The following C1QTNF7 variants were observed in gnomAD, a reference collection of about 807,000 sequenced individuals.
C1QTNF7 encodes the protein complement C1q tumor necrosis factor-related protein 7.
In C1QTNF7, 15 loss-of-function variants were observed where a neutral mutation model predicts 19.6. The ratio of observed to expected loss-of-function variants is 0.76; its 90% confidence interval spans 0.51 to 1.18. C1QTNF7 has a LOEUF of 1.18. Among genes scored for constraint, C1QTNF7 ranks in the 50% most tolerant of loss-of-function variants. The pLI is 0.00. For synonymous variants in C1QTNF7, 142 were observed against 137.5 expected (o/e 1.03, Z -0.23); for missense variants, 324 against 359.7 (o/e 0.90, Z 0.80).
intron 1 of C1QTNF7, among the ~76,000 whole-genome samples, chr4:15,393,429 C>G (rs1183917338): frequency 1.3e-5 from 2 of 152,118 alleles, no homozygotes; most frequent in African/African-American, 2.4e-5. Context: ...TAGAAGGAGG[C>G]CCCCAGGAAA....
chr4:15,348,335 C>G (rs1180358155), intron 1 of C1QTNF7, among the ~76,000 whole-genome samples: 1 of 152,088 alleles, frequency 6.6e-6, no homozygotes. Context: ...AAGCAAAGTC[C>G]AAACTGCCTC....
At chr4:15,440,241 A>T (rs1486851497) in intron 2 of C1QTNF7, among the ~76,000 whole-genome samples, 1 of 152,066 alleles carries the variant, frequency 6.6e-6, no homozygotes, top group Non-Finnish European at 1.5e-5. Flanking sequence ...AGACTCAGAA[A>T]AATTAAGGGA....
intron 1 of C1QTNF7, among the ~76,000 whole-genome samples, chr4:15,410,888 A>G (rs148977035): frequency 6.6e-6 from 1 of 152,340 alleles, no homozygotes; most frequent in African/African-American, 2.4e-5. Context: ...AAAGGGCACC[A>G]CTTTATTTGG....
intron 1 of C1QTNF7, chr4:15,340,234 TTC>T (rs759803711): frequency 1.3e-6 from 2 of 1,551,154 alleles, no homozygotes; most frequent in Non-Finnish European, 1.7e-6. Context: ...ACTGCAGTTT[TTC>T]TCTTTTTCCC....
intron 1 of C1QTNF7, among the ~76,000 whole-genome samples, chr4:15,408,497 T>C (rs1260689474): frequency 6.6e-6 from 1 of 152,056 alleles, no homozygotes; most frequent in Admixed American, 6.5e-5. Context: ...TAAGTATATA[T>C]GTATATATAT....
chr4:15,406,932 T>G (rs554317758), intron 1 of C1QTNF7, among the ~76,000 whole-genome samples: 186 of 152,286 alleles, frequency 1.2e-3, no homozygotes, highest in Non-Finnish European at 2.1e-3. Context: ...TTTCTTCCTT[T>G]TGTTTATTCA....
rs763098941 is a variant in C1QTNF7 at position 15,442,774 on chromosome 4, C to A, written c.845C>A (p.Ser282Tyr). Residue 282 changes from serine (S) to tyrosine (Y), a missense_variant, in exon 3 of 3, where the codon TCC becomes TAC. Ser to Tyr is a moderately radical substitution (Grantham distance 144). Transcript: ENST00000444304. ...TACGTTGACACAGATTACCTAGATT[C>A]CATATCAGAAGATGATGAATTGTGA... Reference protein sequence around the residue: ...LLYVDTDYLDSISEDDEL With the variant: ...LLYVDTDYLDYISEDDEL 16 of 1,610,276 alleles carry A rather than the reference C, an allele frequency of 9.9e-6. No individual in the cohort carries two copies. The highest frequency in any genetic ancestry group is 1.4e-5 in the Non-Finnish European group (16 of 1,178,310).
Position 15,367,000 on chromosome 4 carries a change from A to T in C1QTNF7, c.13+26793A>T, listed in dbSNP as rs530076285. Reference sequence around the variant, plus strand: ...TTCTTTTGAGGGACATTTTGGTTCAACCATTTACATAGGGGGTGCATCTAT... The same window carrying T: ...TTCTTTTGAGGGACATTTTGGTTCATCCATTTACATAGGGGGTGCATCTAT... On this transcript the variant is annotated intron_variant, in intron 1 of 2. Coordinates refer to the C1QTNF7 transcript ENST00000295297. 4.6e-5 allele frequency among the ~76,000 whole-genome samples: 7 copies of T among 152,332 alleles called. No individual in the cohort carries two copies. In the East Asian group the frequency reaches 1.4e-3, roughly 29 times the overall value.
chr4:15,368,022 C>A (rs1717589833), intron 1 of C1QTNF7, among the ~76,000 whole-genome samples: 1 of 152,192 alleles, frequency 6.6e-6, no homozygotes, highest in South Asian at 2.1e-4. Flanking sequence ...CCATTTACCC[C>A]TGAAAGTTTC....
chr4:15,402,573 T>C (rs1226836942), intron 1 of C1QTNF7, among the ~76,000 whole-genome samples: 1 of 151,980 alleles, frequency 6.6e-6, no homozygotes, highest in African/African-American at 2.4e-5. Flanking sequence ...CTGAAAAAAA[T>C]TGGGAGGCTA....
intron 1 of C1QTNF7, among the ~76,000 whole-genome samples, chr4:15,412,454 T>A (rs1480243038): frequency 6.6e-6 from 1 of 151,624 alleles, no homozygotes; most frequent in Non-Finnish European, 1.5e-5. Context: ...TTCAAAACCA[T>A]CAGTGTAGCA....
chr4:15,432,293 T>C (rs970652134), intron 1 of C1QTNF7, among the ~76,000 whole-genome samples: 1 of 152,328 alleles, frequency 6.6e-6, no homozygotes, highest in African/African-American at 2.4e-5. Flanking sequence ...TCCATTATAA[T>C]GCACACCCCG....
At chr4:15,353,768 T>TA (rs59271788) in intron 1 of C1QTNF7, among the ~76,000 whole-genome samples, 343 of 143,400 alleles carry the variant, frequency 2.4e-3, no homozygotes, top group African/African-American at 4.8e-3. Flanking sequence ...TGAGGAAGAT[T>TA]AAAAAAAAAA....
At chr4:15,389,770 T>C (rs1395800542) in intron 1 of C1QTNF7, among the ~76,000 whole-genome samples, 2 of 152,194 alleles carry the variant, frequency 1.3e-5, no homozygotes, top group Non-Finnish European at 2.9e-5. Flanking sequence ...GGTGCCTTCC[T>C]TGATCCCCTA....
intron 1 of C1QTNF7, among the ~76,000 whole-genome samples, chr4:15,362,887 C>T (rs1560342337): frequency 6.6e-6 from 1 of 152,136 alleles, no homozygotes; most frequent in East Asian, 1.9e-4. Flanking sequence ...TGAGTATGCT[C>T]TACATCAATA....
chr4:15,408,734 T>G (rs914397168), intron 1 of C1QTNF7, among the ~76,000 whole-genome samples: 1 of 152,098 alleles, frequency 6.6e-6, no homozygotes, highest in Non-Finnish European at 1.5e-5. Flanking sequence ...GACTATCTCA[T>G]AGTCTGAAAA....
intron 1 of C1QTNF7, among the ~76,000 whole-genome samples, chr4:15,376,486 C>T (rs915912929): frequency 6.6e-6 from 1 of 152,182 alleles, no homozygotes; most frequent in African/African-American, 2.4e-5. Context: ...TACTTAACTC[C>T]TCTGTGCCTC....
intron 1 of C1QTNF7, among the ~76,000 whole-genome samples, chr4:15,387,907 A>G (rs539097546): frequency 6.6e-6 from 1 of 152,318 alleles, no homozygotes; most frequent in East Asian, 1.9e-4. Flanking sequence ...AAATGTATGC[A>G]GGACAGAGAG....
chr4:15,401,947 T>C (rs1031139551), intron 1 of C1QTNF7, among the ~76,000 whole-genome samples: 7 of 152,056 alleles, frequency 4.6e-5, no homozygotes, highest in African/African-American at 9.7e-5. Flanking sequence ...CATACCCAAA[T>C]TGGTATTTTG....
Sources: gnomAD v4.1 joint callset for allele counts (sites outside exome capture counted in the v4.1 genomes callset) on GRCh38, gnomAD v4.1.1 for gene constraint, MANE v1.5 for transcripts, NCBI Gene and HGNC (gene_info 2026-07-23, HGNC 2026-07-21) for gene names.